The following PGS1 variants were observed in gnomAD, a reference collection of about 807,000 sequenced individuals.
PGS1 encodes the protein phosphatidylglycerophosphate synthase 1.
Under a neutral mutation model 58.3 loss-of-function variants are expected in PGS1, and 44 were observed. That is an observed-to-expected ratio of 0.75 (90% confidence interval 0.59 to 0.97). The LOEUF (loss-of-function observed/expected upper bound fraction) is 0.97, where lower values mean the gene tolerates loss of function less well. Ranked by LOEUF, PGS1 falls within the 50% of genes least tolerant of loss-of-function variation. PGS1 has a pLI of 0.00. For missense variants in PGS1, 684 were observed against 731.1 expected, an observed-to-expected ratio of 0.94 and a Z score of 0.74; for synonymous variants, 330 against 311.0, an observed-to-expected ratio of 1.06 and a Z score of -0.64.
chr17:78,403,857 C>T lies in PGS1; in HGVS notation c.1170C>T (p.Asn390=). The T allele has an allele frequency of 6.2e-7, 1 of 1,614,270 alleles. No homozygotes were observed. The highest frequency in any genetic ancestry group is 8.5e-7 in the Non-Finnish European group (1 of 1,180,050). Residue 390 remains asparagine (N), a synonymous_variant, in exon 7 of 10, where the codon AAC becomes AAT. Coordinates refer to ENST00000262764, the MANE Select transcript of PGS1 (RefSeq NM_024419.5). ...AKVYLTTGYF[N]LTQAYMDLVL... ...TCTACCTCACCACTGGCTATTTCAA[C>T]CTGACCCAGGCCTACATGGACCTGG...
At chr17:78,415,712 A>G (rs2085124969) in intron 8 of PGS1, among the ~76,000 whole-genome samples, 1 of 152,186 alleles carries the variant, frequency 6.6e-6, no homozygotes, top group Non-Finnish European at 1.5e-5. Flanking sequence ...GAGATAAAAG[A>G]AGGTTACCAG....
intron 7 of PGS1, among the ~76,000 whole-genome samples, chr17:78,413,585 C>T (rs2084917378): frequency 6.6e-6 from 1 of 152,196 alleles, no homozygotes; most frequent in African/African-American, 2.4e-5. Context: ...CCTTCTCACC[C>T]CCACTCACAC....
chr17:78,392,745 C>T (rs1248743563), intron 2 of PGS1, 80 bp downstream of exon 2: 3 of 1,106,264 alleles, frequency 2.7e-6, no homozygotes, highest in African/African-American at 1.6e-5. Context: ...GCTTTCTAGT[C>T]TAGAAACTTT....
intron 8 of PGS1, among the ~76,000 whole-genome samples, chr17:78,415,481 AAGT>A (rs1253723802): frequency 7.9e-5 from 12 of 152,120 alleles, no homozygotes; most frequent in Admixed American, 3.3e-4. Context: ...AAATGCAAGA[AAGT>A]AGCCGGGCAT....
At chr17:78,394,960 G>A (rs1290426926) in intron 2 of PGS1, among the ~76,000 whole-genome samples, 2 of 152,250 alleles carry the variant, frequency 1.3e-5, no homozygotes, top group South Asian at 2.1e-4. Context: ...GTCGGGCCCT[G>A]CCTGAGGAGG....
At chr17:78,415,368 T>C (rs1375791381) in intron 8 of PGS1, among the ~76,000 whole-genome samples, 1 of 152,208 alleles carries the variant, frequency 6.6e-6, no homozygotes, top group Non-Finnish European at 1.5e-5. Flanking sequence ...TGGTGGCTCA[T>C]GCCTGTAATC....
At chr17:78,395,224 G>A (rs1252102663) in intron 2 of PGS1, among the ~76,000 whole-genome samples, 3 of 152,138 alleles carry the variant, frequency 2.0e-5, no homozygotes, top group African/African-American at 7.2e-5. Context: ...GATATGCTTC[G>A]GTTGCCTGAA....
At chr17:78,421,547 C>G (rs1598404530) in intron 9 of PGS1, 4 of 152,332 alleles carry the variant, frequency 2.6e-5, no homozygotes, top group African/African-American at 9.6e-5. Flanking sequence ...CCCTGGACAG[C>G]AGCACATCAC....
At chr17:78,397,393 T>TCAGACGGGCCCATTGCCCAGAGTTA (rs1182259718) in intron 3 of PGS1, among the ~76,000 whole-genome samples, 12 of 151,232 alleles carry the variant, frequency 7.9e-5, no homozygotes, top group East Asian at 1.9e-4. Context: ...GGAGGTGCAG[T>TCAGACGGGCCCATTGCCCAGAGTTA]GGGTTCACAC....
At chr17:78,422,537 C>T (rs1340286969) in intron 9 of PGS1, among the ~76,000 whole-genome samples, 1 of 152,084 alleles carries the variant, frequency 6.6e-6, no homozygotes, top group African/African-American at 2.4e-5. Context: ...CTCACTCTGT[C>T]ACCCAGGCTG....
intron 9 of PGS1, chr17:78,423,748 A>G (rs1598421140): frequency 1.0e-6 from 1 of 956,048 alleles, no homozygotes; most frequent in South Asian, 1.6e-5. Context: ...ACCAACCTCC[A>G]CCCTCTGGTT....
At position 78,378,853 on chromosome 17, in the gene PGS1, GCCCGGCCCCCCGGCGCTCAAACT is replaced by G. The variant is rs1008610968; in HGVS notation, c.143+55_143+77del. ...TGAGAGTGCAGCCCTCGCGGCTGCAGCCCGGCCCCCCGGCGCTCAAACTCCCGGCCCCAGCGTCCTGGGCATCC... is the reference window on the plus strand; with the variant it reads ...TGAGAGTGCAGCCCTCGCGGCTGCAGCCCGGCCCCAGCGTCCTGGGCATCC... On this transcript the variant is annotated intron_variant, in intron 1 of 9. Coordinates refer to ENST00000262764, the MANE Select transcript of PGS1 (RefSeq NM_024419.5). 36 of 1,357,760 alleles carry G rather than the reference GCCCGGCCCCCCGGCGCTCAAACT, an allele frequency of 2.7e-5. No homozygotes were observed. In the African/African-American group the frequency reaches 3.7e-4, roughly 14 times the overall value. 84.1% of individuals were successfully genotyped at this position (1,357,760 alleles called of 1,614,324 possible).
chr17:78,404,214 C>G, intron 7 of PGS1, 125 bp downstream of exon 7: 1 of 1,060,570 alleles, frequency 9.4e-7, no homozygotes, highest in Non-Finnish European at 1.3e-6. Flanking sequence ...TCCCAGCAGC[C>G]CTTGCAGGCA....
intron 3 of PGS1, 95 bp from the exon 4 acceptor site, chr17:78,398,157 T>A: frequency 1.1e-6 from 1 of 872,960 alleles, no homozygotes; most frequent in Non-Finnish European, 2.0e-6. Context: ...TTGGAGAAGA[T>A]GACGAGGGCA....
chr17:78,402,397 C>CATAT (rs10599132), intron 6 of PGS1, among the ~76,000 whole-genome samples: 6 of 108,380 alleles, frequency 5.5e-5, no homozygotes, highest in Admixed American at 1.0e-4. Context: ...AATTTCTATT[C>CATAT]ATATATATAT....
intron 4 of PGS1, 80 bp downstream of exon 4, chr17:78,398,431 A>T: frequency 1.1e-6 from 1 of 946,064 alleles, no homozygotes; most frequent in Non-Finnish European, 1.7e-6. Context: ...TCACCCCCTC[A>T]TCCCCAGGCA....
chr17:78,387,346 C>T (rs1032156445), intron 1 of PGS1, among the ~76,000 whole-genome samples: 1 of 149,126 alleles, frequency 6.7e-6, no homozygotes, highest in South Asian at 2.1e-4. Flanking sequence ...GTTGCCCAGG[C>T]TGGTGCACAG....
chr17:78,411,050 G>T (rs905148891), intron 7 of PGS1, among the ~76,000 whole-genome samples: 1 of 152,218 alleles, frequency 6.6e-6, no homozygotes, highest in African/African-American at 2.4e-5. Context: ...GCTGCTGCAG[G>T]ATCTGTTACA....
At chr17:78,421,564 TAACACTGTTTGCCTTCCAAC>T (rs2085747318) in intron 9 of PGS1, 1 of 152,256 alleles carries the variant, frequency 6.6e-6, no homozygotes, top group Admixed American at 6.5e-5. Context: ...TCACATCAGT[TAACACTGTTTGCCTTCCAAC>T]TAGTTATTAC....
Sources: allele counts gnomAD v4.1 joint callset (sites outside exome capture counted in the v4.1 genomes callset), GRCh38; gene constraint gnomAD v4.1.1; transcripts MANE v1.5; gene names NCBI Gene and HGNC (gene_info 2026-07-23, HGNC 2026-07-21).